HNRNPU: variants seen among roughly 807,000 people sequenced by gnomAD.
The protein encoded by HNRNPU is HNRNPU antisense RNA 1.
Under a neutral mutation model 94.7 loss-of-function variants are expected in HNRNPU, and 5 were observed. The ratio of observed to expected loss-of-function variants is 0.05; its 90% confidence interval spans 0.03 to 0.11. The LOEUF (loss-of-function observed/expected upper bound fraction) is 0.11, where lower values mean the gene tolerates loss of function less well. Ranked by LOEUF, HNRNPU falls within the 10% of genes least tolerant of loss-of-function variation. The probability of loss-of-function intolerance (pLI) is 1.00; values close to 1 mark genes in which losing one functional copy is unlikely to be tolerated. For missense variants in HNRNPU, 710 were observed against 1,049.2 expected, an observed-to-expected ratio of 0.68 and a Z score of 4.47; for synonymous variants, 434 against 381.6, an observed-to-expected ratio of 1.14 and a Z score of -1.60.
Position 244,860,116 on chromosome 1 carries a change from G to A in HNRNPU, c.1017+219C>T, listed in dbSNP as rs760962753. 665 of 429,968 alleles carry A rather than the reference G, an allele frequency of 1.5e-3. 6 individuals carry two copies. Among genetic ancestry groups the A allele is most frequent in the Middle Eastern group, 3.2e-3 (6 of 1,854 alleles). The allele number at this position is 429,968 out of a possible 1,614,324, so 26.6% of individuals were successfully genotyped here. A position where few individuals can be genotyped will look rare whatever the true frequency, so the allele number is the denominator to read the frequency against. ...AGAGTTGGCGACCAGCCTGGCCTACGTGGTGAAACCCCATCTCTATTAAAA... is the reference window on the plus strand; with the variant it reads ...AGAGTTGGCGACCAGCCTGGCCTACATGGTGAAACCCCATCTCTATTAAAA... On this transcript the variant is annotated intron_variant, in intron 4 of 13. Transcript: ENST00000640218.
intron 4 of HNRNPU, 169 bp from the exon 5 acceptor site, chr1:244,859,543 T>TA (rs1440417042): frequency 2.3e-6 from 1 of 437,812 alleles, no homozygotes; most frequent in African/African-American, 2.0e-5. Context: ...GATGTGCTTA[T>TA]AACTTGAAAT....
At chr1:244,858,511 T>G (rs1265012271) in intron 6 of HNRNPU, 1 of 606,764 alleles carries the variant, frequency 1.6e-6, no homozygotes, top group Non-Finnish European at 2.9e-6. Flanking sequence ...CTAGGTCAAT[T>G]TCATGTTCAC....
chr1:244,863,808 G>A lies in HNRNPU; in HGVS notation c.500C>T (p.Ala167Val), dbSNP rs775100241. The A allele has an allele frequency of 1.2e-6, 2 of 1,606,102 alleles. No individual in the cohort carries two copies. The highest frequency in any genetic ancestry group is 8.5e-7 in the Non-Finnish European group (1 of 1,176,774). The change falls in exon 1 of 14, where the codon GCG becomes GTG. Residue 167 changes from alanine to valine, a missense_variant. Transcript: ENST00000640218. Reference protein sequence around the residue: ...GHGEQQPQPPATQQQQPQQQR... With the variant: ...GHGEQQPQPPVTQQQQPQQQR... ...CTGTTGGGGCTGTTGCTGCTGCGTCGCCGGCGGTTGAGGCTGCTGCTCCCC... is the reference window on the plus strand; with the variant it reads ...CTGTTGGGGCTGTTGCTGCTGCGTCACCGGCGGTTGAGGCTGCTGCTCCCC...
chr1:244,856,713 A>G lies in HNRNPU; in HGVS notation c.1743+15T>C. On this transcript the variant is annotated intron_variant, in intron 9 of 13. Coordinates refer to ENST00000640218, the MANE Select transcript of HNRNPU (RefSeq NM_031844.3). ...TTATCAGTTAATATTTTTCAATTTC[A>G]AAGCTACAGCGTACCTGATCCAGAA... The G allele has an allele frequency of 6.2e-7, 1 of 1,606,472 alleles. No individual in the cohort carries two copies. The highest frequency in any genetic ancestry group is 8.5e-7 in the Non-Finnish European group (1 of 1,177,628).
Position 244,860,263 on chromosome 1 carries a change from G to A in HNRNPU, c.1017+72C>T, listed in dbSNP as rs145038313. On this transcript the variant is annotated intron_variant, in intron 4 of 13. Transcript: ENST00000640218. ...TTGCAGTGAGCCTAGGTCGCACCAC[G>A]GCAATCCAGCCTAGGGAACAGAGTG... The A allele has an allele frequency of 2.4e-4, 340 of 1,393,170 alleles. No homozygotes were observed. The African/African-American group carries it at 4.0e-3, about 16-fold the overall frequency. 86.3% of individuals were successfully genotyped at this position (1,393,170 alleles called of 1,614,324 possible).
chr1:244,864,444 G>T lies in HNRNPU; in HGVS notation c.-137C>A. On this transcript the variant is annotated 5_prime_UTR_variant, in exon 1 of 14. It adds an upstream start codon to the 5' untranslated region. Coordinates refer to ENST00000640218, the MANE Select transcript of HNRNPU (RefSeq NM_031844.3). ...CGGCTGGAGATGGGTTCGTGCTGCAGAGCGGATCCGCCTGGTGTCGAACGG... is the reference window on the plus strand; with the variant it reads ...CGGCTGGAGATGGGTTCGTGCTGCATAGCGGATCCGCCTGGTGTCGAACGG... The T allele has an allele frequency of 6.9e-7, 1 of 1,440,506 alleles. No individual in the cohort carries two copies. The highest frequency in any genetic ancestry group is 1.3e-5 in the South Asian group (1 of 76,868). The allele number at this position is 1,440,506 out of a possible 1,614,324, so 89.2% of individuals were successfully genotyped here.
intron 8 of HNRNPU, chr1:244,857,129 T>G (rs1573330710): frequency 9.6e-6 from 3 of 313,530 alleles, no homozygotes; most frequent in East Asian, 1.2e-4. Flanking sequence ...ACCCTCAGAG[T>G]TGAAAGAACC....
intron 5 of HNRNPU, 66 bp from the exon 6 acceptor site, chr1:244,858,907 T>A: frequency 1.3e-6 from 1 of 758,432 alleles, no homozygotes; most frequent in South Asian, 1.6e-5. Flanking sequence ...TCTATTTTAC[T>A]ACTTAAGATG....
intron 10 of HNRNPU, 35 bp from the exon 11 acceptor site, chr1:244,856,193 AC>A: frequency 6.4e-7 from 1 of 1,571,418 alleles, no homozygotes; most frequent in South Asian, 1.2e-5. Context: ...TAATTTAGAA[AC>A]CCACCACGAA....
At chr1:244,856,384 C>T in intron 10 of HNRNPU, 73 bp downstream of exon 10, 1 of 1,453,710 alleles carries the variant, frequency 6.9e-7, no homozygotes, top group Non-Finnish European at 9.4e-7. Flanking sequence ...CATAGTTACA[C>T]AAGCAGAATA....
rs1263561823 is a variant in HNRNPU at position 244,855,472 on chromosome 1, T to C, written c.2304A>G (p.Arg768=). ...VFPGRGSYSN[R]GNYNRGGMPN... ...GCATTCCACCTCTGTTGTAGTTCCC[T>C]CTGTTTGAGTAACTACCACGGCCAG... Residue 768 remains arginine, a synonymous_variant, in exon 12 of 14, where the codon AGA becomes AGG. Transcript: ENST00000640218. 6.2e-7 allele frequency: 1 copy of C among 1,613,990 alleles called. No individual in the cohort carries two copies. The highest frequency in any genetic ancestry group is 1.7e-4 in the Middle Eastern group (1 of 6,028).
At position 244,864,168 on chromosome 1, in the gene HNRNPU, G is replaced by A. The variant is rs1339167570; in HGVS notation, c.140C>T (p.Ala47Val). 3 of 1,606,102 alleles carry A rather than the reference G, an allele frequency of 1.9e-6. No homozygotes were observed. The highest frequency in any genetic ancestry group is 1.1e-5 in the South Asian group (1 of 90,286). Residue 47 changes from alanine (A) to valine (V), a missense_variant, in exon 1 of 14, where the codon GCC becomes GTC. Ala to Val is a moderately conservative substitution (Grantham distance 64). Transcript: ENST00000640218. The part of the protein sequence containing the change: ...RLQAALDDEE[A>V]GGRPAMEPGN... The stretch of plus-strand genomic sequence containing the variant: ...GGGCTCCATGGCGGGGCGGCCCCCG[G>A]CCTCCTCGTCGTCCAGCGCAGCCTG...
intron 10 of HNRNPU, 104 bp from the exon 11 acceptor site, chr1:244,856,262 T>A: frequency 7.7e-7 from 1 of 1,299,260 alleles, no homozygotes; most frequent in Non-Finnish European, 1.1e-6. Context: ...TTCCTAAAAA[T>A]AAAAACAGAC....
At chr1:244,858,912 A>C in intron 5 of HNRNPU, 71 bp from the exon 6 acceptor site, 1 of 732,680 alleles carries the variant, frequency 1.4e-6, no homozygotes, top group Non-Finnish European at 2.4e-6. Flanking sequence ...TTTACTACTT[A>C]AGATGTAGGC....
chr1:244,858,957 T>A lies in HNRNPU; in HGVS notation c.1118-116A>T, dbSNP rs952068673. The A allele has an allele frequency of 8.1e-6, 5 of 616,174 alleles. No individual in the cohort carries two copies. In the East Asian group the frequency reaches 1.4e-4, roughly 17 times the overall value. 38.2% of individuals were successfully genotyped at this position (616,174 alleles called of 1,614,324 possible). A position where few individuals can be genotyped will look rare whatever the true frequency, so the allele number is the denominator to read the frequency against. Reference sequence around the variant, plus strand: ...AATAAGCATATAACCTAATCACCTGTCACTGACACTATTACTTTTCTATCT... The same window carrying A: ...AATAAGCATATAACCTAATCACCTGACACTGACACTATTACTTTTCTATCT... On this transcript the variant is annotated intron_variant, in intron 5 of 13. Coordinates refer to ENST00000640218, the MANE Select transcript of HNRNPU (RefSeq NM_031844.3).
chr1:244,854,834 T>C (rs1209286543), intron 13 of HNRNPU, 139 bp downstream of exon 13: 2 of 667,518 alleles, frequency 3.0e-6, no homozygotes, highest in African/African-American at 3.6e-5. Flanking sequence ...TTATGGCTAC[T>C]ACTGCAAGAC....
intron 1 of HNRNPU, 83 bp from the exon 2 acceptor site, chr1:244,862,813 G>A (rs915208697): frequency 3.3e-6 from 3 of 902,484 alleles, no homozygotes; most frequent in South Asian, 2.7e-5. Flanking sequence ...AAAGCAGCTC[G>A]ACTTTATCCT....
intron 3 of HNRNPU, chr1:244,861,267 T>C (rs571615448): frequency 2.0e-5 from 3 of 152,364 alleles, no homozygotes; most frequent in East Asian, 3.9e-4. Context: ...AGAGTTATTC[T>C]AATCAACAGA....
rs1680510191 is a variant in HNRNPU at position 244,850,463 on chromosome 1, A to G, written c.*3987T>C. On this transcript the variant is annotated 3_prime_UTR_variant, in exon 14 of 14. Coordinates refer to ENST00000640218, the MANE Select transcript of HNRNPU (RefSeq NM_031844.3). Reference sequence around the variant, plus strand: ...GCTTTAAAATTTAAAGTTATGGAGTAGCTGTGCCCACACCCCCCCCCAAAA... The same window carrying G: ...GCTTTAAAATTTAAAGTTATGGAGTGGCTGTGCCCACACCCCCCCCCAAAA... 2.2e-5 allele frequency: 2 copies of G among 89,050 alleles called. No individual in the cohort carries two copies. Among genetic ancestry groups the G allele is most frequent in the African/African-American group, 4.8e-5 (1 of 20,990 alleles). The allele number at this position is 89,050 out of a possible 1,614,324, so 5.5% of individuals were successfully genotyped here.
Sources: gnomAD v4.1 joint callset for allele counts on GRCh38, gnomAD v4.1.1 for gene constraint, MANE v1.5 for transcripts, NCBI Gene and HGNC (gene_info 2026-07-23, HGNC 2026-07-21) for gene names.